Variants in ELP4 observed in about 807,000 individuals in gnomAD.
ELP4 encodes elongator complex protein 4.
A neutral mutation model predicts 48.9 loss-of-function variants in ELP4; 51 were observed. The observed-to-expected ratio is 1.04, with a 90% CI of 0.83 to 1.32. The LOEUF is 1.32. Among genes scored for constraint, ELP4 ranks in the 40% most tolerant of loss-of-function variants. The probability of loss-of-function intolerance (pLI) is 0.00; values close to 1 mark genes in which losing one functional copy is unlikely to be tolerated. For missense variants in ELP4, 519 were observed against 514.6 expected (o/e 1.01, Z -0.08); for synonymous variants, 210 against 189.2 (o/e 1.11, Z -0.90).
chr11:31,526,970 T>TA (rs1159880304), intron 2 of ELP4, among the ~76,000 whole-genome samples: 2 of 152,008 alleles, frequency 1.3e-5, no homozygotes, highest in African/African-American at 4.8e-5. Flanking sequence ...AGTCTGTACT[T>TA]ACATGTTTTA....
chr11:31,787,969 A>C lies in ELP4; in HGVS notation c.*4445A>C. On this transcript the variant is annotated 3_prime_UTR_variant, in exon 10 of 10. Coordinates refer to ENST00000640961, the MANE Select transcript of ELP4 (RefSeq NM_019040.5). Reference sequence around the variant, plus strand: ...GTCCCCAGAGGTTTCTGCATGTGCAAGCATTTTAATCTAGACTGCCAGAAC... The same window carrying C: ...GTCCCCAGAGGTTTCTGCATGTGCACGCATTTTAATCTAGACTGCCAGAAC... 4.5e-6 allele frequency: 1 copy of C among 223,138 alleles called. No individual in the cohort carries two copies. The highest frequency in any genetic ancestry group is 6.5e-5 in the East Asian group (1 of 15,344). The allele number at this position is 223,138 out of a possible 1,614,324, so 13.8% of individuals were successfully genotyped here.
intron 9 of ELP4, among the ~76,000 whole-genome samples, chr11:31,750,435 T>A (rs993631966): frequency 3.3e-4 from 50 of 152,010 alleles, no homozygotes; most frequent in African/African-American, 1.1e-3. Context: ...TCATTCACAG[T>A]AAAAACCATC....
At chr11:31,620,159 G>T (rs1944589631) in intron 5 of ELP4, among the ~76,000 whole-genome samples, 1 of 151,992 alleles carries the variant, frequency 6.6e-6, no homozygotes, top group South Asian at 2.1e-4. Flanking sequence ...GAGGTTTGTG[G>T]TCATGAAGTT....
chr11:31,785,022 GAC>G lies in ELP4; in HGVS notation c.*1502_*1503del, dbSNP rs1281992107. On this transcript the variant is annotated 3_prime_UTR_variant, in exon 10 of 10. Coordinates refer to ENST00000640961, the MANE Select transcript of ELP4 (RefSeq NM_019040.5). ...TTTTTTCATTTCTTTTAATTCTAAA[GAC>G]ACAGATTCTTCCCCATTTTCTTTTC... 3.9e-5 allele frequency: 7 copies of G among 180,502 alleles called. No homozygotes were observed. Among genetic ancestry groups the G allele is most frequent in the African/African-American group, 7.1e-5 (3 of 42,312 alleles). The allele number at this position is 180,502 out of a possible 1,614,324, so 11.2% of individuals were successfully genotyped here.
chr11:31,549,323 G>A (rs994966482), intron 3 of ELP4, among the ~76,000 whole-genome samples: 44 of 152,086 alleles, frequency 2.9e-4, no homozygotes, highest in East Asian at 7.7e-4. Flanking sequence ...ATAAGTGGGC[G>A]AAGGACATGA....
At chr11:31,664,893 TAATC>T (rs1213837150) in intron 9 of ELP4, among the ~76,000 whole-genome samples, 1 of 152,186 alleles carries the variant, frequency 6.6e-6, no homozygotes, top group Non-Finnish European at 1.5e-5. Context: ...TTTTAAATAT[TAATC>T]AATGCGCAAT....
At chr11:31,570,167 A>C (rs192879124) in intron 3 of ELP4, among the ~76,000 whole-genome samples, 2 of 152,358 alleles carry the variant, frequency 1.3e-5, no homozygotes, top group Non-Finnish European at 2.9e-5. Flanking sequence ...ATACCATGGA[A>C]TACTATGCAG....
chr11:31,653,408 C>T (rs184235387), intron 9 of ELP4: 9 of 151,662 alleles, frequency 5.9e-5, no homozygotes, highest in Non-Finnish European at 1.0e-4. Context: ...TTAACCAGAT[C>T]GAATTTACCT....
chr11:31,728,677 G>A (rs1947125924), intron 9 of ELP4, among the ~76,000 whole-genome samples: 1 of 152,054 alleles, frequency 6.6e-6, no homozygotes, highest in Admixed American at 6.6e-5. Flanking sequence ...AGCAAACCCA[G>A]CTCCCTTCAC....
intron 7 of ELP4, among the ~76,000 whole-genome samples, chr11:31,642,375 AAATTTAGAATATTGAGTATTTGACC>A (rs1945116914): frequency 6.6e-6 from 1 of 151,870 alleles, no homozygotes; most frequent in African/African-American, 2.4e-5. Context: ...TTTCATATCA[AAATTTAGAATATTGAGTATTTGACC>A]ATGTAGAAAA....
At chr11:31,669,160 G>A (rs570058423) in intron 9 of ELP4, among the ~76,000 whole-genome samples, 72 of 151,594 alleles carry the variant, frequency 4.7e-4, no homozygotes, top group Admixed American at 1.1e-3. Flanking sequence ...GTGCAGTGGC[G>A]CGATCTCGGC....
chr11:31,548,981 C>T (rs868757600), intron 3 of ELP4, among the ~76,000 whole-genome samples: 16 of 150,596 alleles, frequency 1.1e-4, no homozygotes, highest in African/African-American at 2.5e-4. Context: ...ATACAAAAAT[C>T]AATTCAAGAT....
chr11:31,620,945 G>A (rs1014169252), intron 5 of ELP4, among the ~76,000 whole-genome samples: 1 of 151,830 alleles, frequency 6.6e-6, no homozygotes, highest in Non-Finnish European at 1.5e-5. Context: ...ATCAAACTCA[G>A]TATTCTTAGC....
At chr11:31,759,551 C>T (rs545216991) in intron 9 of ELP4, among the ~76,000 whole-genome samples, 1 of 152,328 alleles carries the variant, frequency 6.6e-6, no homozygotes, top group African/African-American at 2.4e-5. Flanking sequence ...ATTTCACTAA[C>T]TGTGTAATAT....
In ELP4 at chr11:31,561,534, C is replaced by T. The variant is rs1486563220; in HGVS notation, c.381+21751C>T. On this transcript the variant is annotated intron_variant, in intron 3 of 9. Transcript: ENST00000640961. The stretch of plus-strand genomic sequence containing the variant: ...GCAGCTCACTGTACCCTCCACCTAC[C>T]GGGTTCAAGCGATTCTCCTGCCTCA... Among the ~76,000 whole-genome samples, 9 of 152,136 alleles carry T rather than the reference C, an allele frequency of 5.9e-5. No individual in the cohort carries two copies. In the South Asian group the frequency reaches 8.3e-4, roughly 14 times the overall value.
intron 9 of ELP4, among the ~76,000 whole-genome samples, chr11:31,692,646 CAGG>C (rs1344587885): frequency 2.0e-5 from 3 of 152,140 alleles, no homozygotes; most frequent in Non-Finnish European, 2.9e-5. Flanking sequence ...TGCAGAAAAG[CAGG>C]AGATCAGCAA....
intron 9 of ELP4, among the ~76,000 whole-genome samples, chr11:31,705,670 C>G (rs1946615742): frequency 6.6e-6 from 1 of 152,030 alleles, no homozygotes; most frequent in African/African-American, 2.4e-5. Flanking sequence ...TGTCTTAGTT[C>G]TAACTTTCTC....
chr11:31,690,167 G>T (rs1206329358), intron 9 of ELP4, among the ~76,000 whole-genome samples: 1 of 152,190 alleles, frequency 6.6e-6, no homozygotes, highest in African/African-American at 2.4e-5. Context: ...TCAAATGTCT[G>T]CTGAATAGCA....
chr11:31,562,247 T>C (rs73462904), intron 3 of ELP4, among the ~76,000 whole-genome samples: 173 of 152,346 alleles, frequency 1.1e-3, no homozygotes, highest in African/African-American at 3.7e-3. Flanking sequence ...AATAATTAGG[T>C]TATGATTTGT....
Sources: gnomAD v4.1 joint callset for allele counts (sites outside exome capture counted in the v4.1 genomes callset) on GRCh38, gnomAD v4.1.1 for gene constraint, MANE v1.5 for transcripts, NCBI Gene and HGNC (gene_info 2026-07-23, HGNC 2026-07-21) for gene names.